The following PCDHGC4 variants were observed in gnomAD, a reference collection of about 807,000 sequenced individuals.
The protein encoded by PCDHGC4 is protocadherin gamma subfamily C, 4.
In PCDHGC4, 15 loss-of-function variants were observed where a neutral mutation model predicts 59.7. The observed-to-expected ratio is 0.25, with a 90% CI of 0.17 to 0.39. The LOEUF is 0.39. PCDHGC4 is among the 10% of genes least tolerant of loss of function. PCDHGC4 has a pLI of 1.00. For missense variants in PCDHGC4, 1,016 were observed against 1,189.5 expected, an observed-to-expected ratio of 0.85 and a Z score of 2.15; for synonymous variants, 434 against 481.4, an observed-to-expected ratio of 0.90 and a Z score of 1.29.
chr5:141,494,751 G>A, intron 1 of PCDHGC4, 56 bp from the exon 2 acceptor site: 2 of 1,613,426 alleles, frequency 1.2e-6, no homozygotes, highest in Non-Finnish European at 8.5e-7. Flanking sequence ...AGGGGCTCGG[G>A]TGACATTCTA....
chr5:141,489,381 T>A lies in PCDHGC4; in HGVS notation c.2442+1766T>A. 1 of 1,613,894 alleles carries A rather than the reference T, an allele frequency of 6.2e-7. No homozygotes were observed. The highest frequency in any genetic ancestry group is 8.5e-7 in the Non-Finnish European group (1 of 1,179,802). ...CTGAGCCGGGGACGCTGGTGGGGAATGTTGCTCAGGATCTGGGCTTAAAGA... is the reference window on the plus strand; with the variant it reads ...CTGAGCCGGGGACGCTGGTGGGGAAAGTTGCTCAGGATCTGGGCTTAAAGA... On this transcript the variant is annotated intron_variant, in intron 1 of 3. Transcript: ENST00000306593. The surrounding 1 kb of genome is among the most constrained non-coding windows in gnomAD (Gnocchi z 4.5).
chr5:141,507,631 C>A (rs1435446169), intron 3 of PCDHGC4, among the ~76,000 whole-genome samples: 1 of 152,236 alleles, frequency 6.6e-6, no homozygotes, highest in Non-Finnish European at 1.5e-5. Context: ...TGTGGCCTTG[C>A]GCCCTGAGGC....
At position 141,490,006 on chromosome 5, in the gene PCDHGC4, C is replaced by T; in HGVS notation, c.2442+2391C>T. The stretch of plus-strand genomic sequence containing the variant: ...ACGTGTGGGAATCCCAGAGAATGCA[C>T]CCATTGGTACTCTGCTGCTCCGCCT... On this transcript the variant is annotated intron_variant, in intron 1 of 3. Coordinates refer to ENST00000306593, the MANE Select transcript of PCDHGC4 (RefSeq NM_018928.3). This position sits in a 1 kb window ranked among gnomAD's most constrained non-coding sequence, Gnocchi z 5.4. 2 of 1,614,222 alleles carry T rather than the reference C, an allele frequency of 1.2e-6. No homozygotes were observed. The highest frequency in any genetic ancestry group is 1.7e-6 in the Non-Finnish European group (2 of 1,180,010).
intron 2 of PCDHGC4, among the ~76,000 whole-genome samples, chr5:141,499,670 C>T (rs1477227784): frequency 6.6e-6 from 1 of 151,412 alleles, no homozygotes; most frequent in African/African-American, 2.4e-5. Flanking sequence ...TCTTGGTCTC[C>T]ACCATCTTTA....
Position 141,511,606 on chromosome 5 carries a change from G to A in PCDHGC4, c.*433G>A, listed in dbSNP as rs1160129762. The stretch of plus-strand genomic sequence containing the variant: ...TGTTGAAGTACCAAGTAACCTACAA[G>A]CCTCCTAGTTCTGAAAAGTTGGAAG... On this transcript the variant is annotated 3_prime_UTR_variant, in exon 4 of 4. Transcript: ENST00000306593. 2 of 248,594 alleles carry A rather than the reference G, an allele frequency of 8.0e-6. No individual in the cohort carries two copies. Among genetic ancestry groups the A allele is most frequent in the Non-Finnish European group, 1.6e-5 (2 of 123,946 alleles). 15.4% of individuals were successfully genotyped at this position (248,594 alleles called of 1,614,324 possible). A position where few individuals can be genotyped will look rare whatever the true frequency, so the allele number is the denominator to read the frequency against.
Position 141,510,946 on chromosome 5 carries a change from GA to G in PCDHGC4, c.2592del (p.Ala865LeufsTer17). The G allele has an allele frequency of 6.2e-7, 1 of 1,614,128 alleles. No homozygotes were observed. ...LQAMILASAS[E>X]AADGSSTLGG... ...CACCTGATCTTCCTCTGTCTCTGCA[GA>G]AGCTGCTGATGGGAGCTCCACCCTG... On this transcript the variant is annotated frameshift_variant and splice_region_variant, in exon 4 of 4. Coordinates refer to ENST00000306593, the MANE Select transcript of PCDHGC4 (RefSeq NM_018928.3). LOFTEE classifies it high-confidence loss of function.
chr5:141,492,942 G>A (rs897160295), intron 1 of PCDHGC4, among the ~76,000 whole-genome samples: 3 of 152,220 alleles, frequency 2.0e-5, no homozygotes, highest in African/African-American at 7.2e-5. Context: ...GAGATTTGGA[G>A]GTGACCAAAC....
At chr5:141,507,797 C>A (rs933921827) in intron 3 of PCDHGC4, among the ~76,000 whole-genome samples, 1 of 152,240 alleles carries the variant, frequency 6.6e-6, no homozygotes, top group Admixed American at 6.5e-5. Context: ...TCTAAGCCTG[C>A]GCCCTGGGGA....
rs530054362 is a variant in PCDHGC4 at position 141,486,066 on chromosome 5, C to G, written c.893C>G (p.Thr298Ser). ...AGAAACCTCTTTAGCCTGCACCCCACTACTGGAAAGCTTACTCTTTTGGGG... is the reference window on the plus strand; with the variant it reads ...AGAAACCTCTTTAGCCTGCACCCCAGTACTGGAAAGCTTACTCTTTTGGGG... ...RVRNLFSLHPTTGKLTLLGPL... is the reference protein window; with the variant it reads ...RVRNLFSLHPSTGKLTLLGPL... The change falls in exon 1 of 4, where the codon ACT (threonine) becomes AGT (serine). Residue 298 changes from threonine (T) to serine (S), a missense_variant. Physicochemically the swap from Thr to Ser is moderately conservative, Grantham distance 58. Coordinates refer to ENST00000306593, the MANE Select transcript of PCDHGC4 (RefSeq NM_018928.3). This position sits in a 1 kb window ranked among gnomAD's most constrained non-coding sequence, Gnocchi z 5.0. The G allele has an allele frequency of 3.1e-6, 5 of 1,614,166 alleles. No homozygotes were observed. In the African/African-American group the frequency reaches 5.3e-5, roughly 17 times the overall value.
At chr5:141,492,468 G>A (rs927514972) in intron 1 of PCDHGC4, among the ~76,000 whole-genome samples, 1 of 152,232 alleles carries the variant, frequency 6.6e-6, no homozygotes, top group Admixed American at 6.5e-5. Flanking sequence ...GAGGGTCCCA[G>A]ATCGCGGCCG....
chr5:141,498,725 A>AGT (rs2099785409), intron 2 of PCDHGC4, among the ~76,000 whole-genome samples: 1 of 152,150 alleles, frequency 6.6e-6, no homozygotes, highest in Non-Finnish European at 1.5e-5. Flanking sequence ...TGAGGTCAGG[A>AGT]GTTTGAGACC....
Position 141,486,791 on chromosome 5 carries a change from C to G in PCDHGC4, c.1618C>G (p.Arg540Gly). The change falls in exon 1 of 4, where the codon CGG (arginine) becomes GGG (glycine). Residue 540 changes from arginine (R) to glycine (G), a missense_variant. Coordinates refer to ENST00000306593, the MANE Select transcript of PCDHGC4 (RefSeq NM_018928.3). The surrounding 1 kb of genome is among the most constrained non-coding windows in gnomAD (Gnocchi z 5.0). ...TLQFEVQARD[R>G]GNPPLSSTVT... ...GCAGTTTGAGGTGCAGGCCCGGGAT[C>G]GGGGCAACCCACCCCTTAGCAGCAC... The G allele has an allele frequency of 1.9e-6, 3 of 1,614,224 alleles. No individual in the cohort carries two copies. The highest frequency in any genetic ancestry group is 2.5e-6 in the Non-Finnish European group (3 of 1,180,046).
At position 141,511,482 on chromosome 5, in the gene PCDHGC4, C is replaced by A. The variant is rs761434245; in HGVS notation, c.*309C>A. ...CACACCCCGTTTAGTTACAGCTGAA[C>A]TCCTCCATCTTCCAAATCAATCAGG... On this transcript the variant is annotated 3_prime_UTR_variant, in exon 4 of 4. Coordinates refer to ENST00000306593, the MANE Select transcript of PCDHGC4 (RefSeq NM_018928.3). The A allele has an allele frequency of 2.4e-4, 113 of 464,462 alleles. No homozygotes were observed. Among genetic ancestry groups the A allele is most frequent in the Non-Finnish European group, 4.0e-4 (105 of 260,154 alleles). The allele number at this position is 464,462 out of a possible 1,614,324, so 28.8% of individuals were successfully genotyped here. A position where few individuals can be genotyped will look rare whatever the true frequency, so the allele number is the denominator to read the frequency against.
In PCDHGC4 at chr5:141,511,173, A is replaced by T. The variant is rs1384881403; in HGVS notation, c.2817A>T (p.Ter939TyrextTer31). ...AGTCGGGCAAGAAGGAGAAGAAGTA[A>T]CATGGAGGCCAGGCCAAGAGCCACA... ...KKKSGKKEKK[*>Y] Residue 939 changes from the stop codon to tyrosine, a stop_lost, in exon 4 of 4, where the codon TAA (stop) becomes TAT (tyrosine). Coordinates refer to ENST00000306593, the MANE Select transcript of PCDHGC4 (RefSeq NM_018928.3). 6.2e-7 allele frequency: 1 copy of T among 1,614,132 alleles called. No homozygotes were observed.
intron 1 of PCDHGC4, among the ~76,000 whole-genome samples, chr5:141,494,199 G>A (rs1033914239): frequency 1.3e-5 from 2 of 152,160 alleles, no homozygotes; most frequent in South Asian, 2.1e-4. Context: ...TGGATGCCCC[G>A]CAAAGGCCCA....
In PCDHGC4 at chr5:141,511,067, C is replaced by T. The variant is rs760786015; in HGVS notation, c.2711C>T (p.Pro904Leu). The change falls in exon 4 of 4, where the codon CCA (proline) becomes CTA (leucine). Residue 904 changes from proline (P) to leucine (L), a missense_variant. Pro to Leu is a moderately conservative substitution (Grantham distance 98). Coordinates refer to ENST00000306593, the MANE Select transcript of PCDHGC4 (RefSeq NM_018928.3). ...VPDYRQNVYI[P>L]GSNATLTNAA... ...GACTACCGCCAGAATGTCTACATCC[C>T]AGGCAGCAATGCCACACTGACCAAC... 7.4e-6 allele frequency: 12 copies of T among 1,614,136 alleles called. No homozygotes were observed. Among genetic ancestry groups the T allele is most frequent in the African/African-American group, 1.3e-5 (1 of 74,942 alleles).
intron 3 of PCDHGC4, among the ~76,000 whole-genome samples, chr5:141,510,214 A>G (rs1047332886): frequency 6.6e-6 from 1 of 151,406 alleles, no homozygotes; most frequent in Non-Finnish European, 1.5e-5. Context: ...CAGAGGTTGC[A>G]GTGAGCCGGG....
intron 2 of PCDHGC4, among the ~76,000 whole-genome samples, chr5:141,503,448 C>T (rs765046868): frequency 2.0e-5 from 3 of 151,808 alleles, no homozygotes; most frequent in South Asian, 2.1e-4. Context: ...TACAAAAATT[C>T]GCTGGGCATG....
chr5:141,485,245 G>C lies in PCDHGC4; in HGVS notation c.72G>C (p.Leu24=). 1 of 1,614,188 alleles carries C rather than the reference G, an allele frequency of 6.2e-7. No individual in the cohort carries two copies. Among genetic ancestry groups the C allele is most frequent in the Non-Finnish European group, 8.5e-7 (1 of 1,180,008 alleles). The change falls in exon 1 of 4, where the codon CTG becomes CTC. Residue 24 remains leucine (L), a synonymous_variant. Coordinates refer to ENST00000306593, the MANE Select transcript of PCDHGC4 (RefSeq NM_018928.3). This position sits in a 1 kb window ranked among gnomAD's most constrained non-coding sequence, Gnocchi z 5.7. ...WATLLFLFYH[L]GYVCGQIRYP... The stretch of plus-strand genomic sequence containing the variant: ...CCCTTTTGTTCCTCTTTTACCACCT[G>C]GGTTACGTTTGTGGGCAGATCCGCT...
Sources: gnomAD v4.1 joint callset for allele counts (sites outside exome capture counted in the v4.1 genomes callset) on GRCh38, gnomAD v4.1.1 for gene constraint, Gnocchi (gnomAD v3.1) non-coding constraint, MANE v1.5 for transcripts, NCBI Gene and HGNC (gene_info 2026-07-23, HGNC 2026-07-21) for gene names.